CSMD3: variants seen among roughly 807,000 people sequenced by gnomAD.
CSMD3 encodes the protein CUB and Sushi multiple domains 3, also known as CUB and sushi domain-containing protein 3.
Under a neutral mutation model 435.2 loss-of-function variants are expected in CSMD3, and 177 were observed. The ratio of observed to expected loss-of-function variants is 0.41; its 90% CI spans 0.36 to 0.46. CSMD3 has a LOEUF of 0.46. CSMD3 is among the 20% of genes least tolerant of loss of function. The pLI is 0.34. For missense variants in CSMD3, 4,265 were observed against 4,504.6 expected (o/e 0.95, Z 1.52); for synonymous variants, 1,656 against 1,520.5 (o/e 1.09, Z -2.07).
At chr8:112,735,336 C>T (rs2077164010) in intron 13 of CSMD3, among the ~76,000 whole-genome samples, 1 of 151,886 alleles carries the variant, frequency 6.6e-6, no homozygotes, top group East Asian at 1.9e-4. Context: ...TACTTCATAC[C>T]TCAAAACCAC....
At chr8:112,370,731 T>G (rs77977944) in intron 38 of CSMD3, among the ~76,000 whole-genome samples, 3 of 58,672 alleles carry the variant, frequency 5.1e-5, no homozygotes, top group Admixed American at 4.3e-4. Flanking sequence ...TCTCCATCTA[T>G]TTTTTTCTAT....
At chr8:113,014,457 A>G (rs1261322113) in intron 6 of CSMD3, among the ~76,000 whole-genome samples, 2 of 152,008 alleles carry the variant, frequency 1.3e-5, no homozygotes, top group East Asian at 3.9e-4. Context: ...TGCACACACA[A>G]TGGAAGAGGG....
At chr8:112,984,994 T>TGATAGATA (rs71309797) in intron 6 of CSMD3, among the ~76,000 whole-genome samples, 30,542 of 148,240 alleles carry the variant, frequency 0.21, 3,355 homozygotes, top group Middle Eastern at 0.31. Context: ...TGATAGATTA[T>TGATAGATA]GATAGATAGA....
At chr8:113,236,034 A>G (rs1404802630) in intron 3 of CSMD3, among the ~76,000 whole-genome samples, 1 of 152,168 alleles carries the variant, frequency 6.6e-6, no homozygotes, top group Non-Finnish European at 1.5e-5. Context: ...TTTGGGGGCT[A>G]GAGACTTCCC....
intron 22 of CSMD3, among the ~76,000 whole-genome samples, chr8:112,604,080 G>A (rs1288538633): frequency 2.0e-5 from 3 of 151,840 alleles, no homozygotes; most frequent in African/African-American, 7.3e-5. Context: ...AACTAACATT[G>A]TTTAACATTT....
At chr8:113,327,672 GCATTCCC>G (rs1397459069) in intron 1 of CSMD3, among the ~76,000 whole-genome samples, 1 of 151,704 alleles carries the variant, frequency 6.6e-6, no homozygotes, top group Non-Finnish European at 1.5e-5. Flanking sequence ...AACCTATCTT[GCATTCCC>G]CTGGAAAACT....
chr8:112,859,303 G>A, intron 10 of CSMD3, 37 bp from the exon 11 acceptor site: 2 of 1,574,136 alleles, frequency 1.3e-6, no homozygotes, highest in Non-Finnish European at 1.7e-6. Flanking sequence ...ATGAACATAT[G>A]TCACATGTAA....
intron 11 of CSMD3, among the ~76,000 whole-genome samples, chr8:112,851,375 T>C (rs1437631246): frequency 6.6e-6 from 1 of 152,058 alleles, no homozygotes; most frequent in African/African-American, 2.4e-5. Flanking sequence ...CAGTTTCACG[T>C]TTTTTCTCAT....
rs181310147 is a variant in CSMD3 at position 112,983,711 on chromosome 8, G to T, written c.1031-7563C>A. 7.9e-4 allele frequency among the ~76,000 whole-genome samples: 120 copies of T among 151,736 alleles called. 2 individuals carry two copies. In the East Asian group the frequency reaches 0.022, roughly 28 times the overall value. On this transcript the variant is annotated intron_variant, in intron 6 of 70. Coordinates refer to ENST00000297405, the MANE Select transcript of CSMD3 (RefSeq NM_198123.2). ...AGACCATTTAGTGATTTTTATTGAGGCATTTATCATAAGTTGATATCTGAT... is the reference window on the plus strand; with the variant it reads ...AGACCATTTAGTGATTTTTATTGAGTCATTTATCATAAGTTGATATCTGAT...
intron 1 of CSMD3, among the ~76,000 whole-genome samples, chr8:113,324,217 A>C (rs2093967980): frequency 6.6e-6 from 1 of 152,194 alleles, no homozygotes; most frequent in Non-Finnish European, 1.5e-5. Context: ...AATTTGCATA[A>C]GTTACGTGGA....
chr8:113,213,021 C>G (rs756914959), intron 3 of CSMD3, among the ~76,000 whole-genome samples: 1 of 151,562 alleles, frequency 6.6e-6, no homozygotes, highest in East Asian at 1.9e-4. Context: ...CAGCTGTTGA[C>G]TATAACAATT....
chr8:112,590,873 T>C (rs1384025673), intron 22 of CSMD3, among the ~76,000 whole-genome samples: 1 of 152,104 alleles, frequency 6.6e-6, no homozygotes, highest in African/African-American at 2.4e-5. Flanking sequence ...GAGTGAGTTT[T>C]AAGTTCTTGA....
intron 22 of CSMD3, among the ~76,000 whole-genome samples, chr8:112,591,060 T>G (rs1216958795): frequency 4.6e-5 from 7 of 152,064 alleles, no homozygotes; most frequent in African/African-American, 1.4e-4. Context: ...AATTTAGCAG[T>G]GTTAGGAAAA....
intron 58 of CSMD3, among the ~76,000 whole-genome samples, chr8:112,284,234 C>T (rs1170468530): frequency 6.6e-6 from 1 of 151,780 alleles, no homozygotes; most frequent in Non-Finnish European, 1.5e-5. Context: ...TTGCATTTCT[C>T]TATTGATTAA....
In CSMD3 at chr8:112,748,401, G is replaced by A. The variant is rs185311366; in HGVS notation, c.1972+51761C>T. On this transcript the variant is annotated intron_variant, in intron 13 of 70. Coordinates refer to ENST00000297405, the MANE Select transcript of CSMD3 (RefSeq NM_198123.2). The stretch of plus-strand genomic sequence containing the variant: ...TGAAAGTTTGTTACATAGATAAACA[G>A]GTGTCACAGGGGTTTGTTGTACATA... Among the ~76,000 whole-genome samples the A allele has an allele frequency of 3.3e-3, 503 of 152,222 alleles. 4 individuals are homozygous for A. The highest frequency in any genetic ancestry group is 0.011 in the African/African-American group (438 of 41,548).
chr8:112,672,835 C>T (rs2075688868), intron 16 of CSMD3, among the ~76,000 whole-genome samples: 1 of 151,996 alleles, frequency 6.6e-6, no homozygotes, highest in South Asian at 2.1e-4. Context: ...AGGATACATT[C>T]AAAGAACCCA....
chr8:112,838,972 GAA>G (rs1189369053), intron 11 of CSMD3, among the ~76,000 whole-genome samples: 1 of 151,680 alleles, frequency 6.6e-6, no homozygotes, highest in Non-Finnish European at 1.5e-5. Flanking sequence ...TCATTTTAGA[GAA>G]AATAATAAAT....
At chr8:112,849,683 T>C (rs1041617447) in intron 11 of CSMD3, among the ~76,000 whole-genome samples, 3 of 151,862 alleles carry the variant, frequency 2.0e-5, no homozygotes, top group African/African-American at 7.3e-5. Flanking sequence ...CCATTTATAC[T>C]AGATCAGGAG....
intron 5 of CSMD3, among the ~76,000 whole-genome samples, chr8:113,028,152 A>T (rs886592685): frequency 1.3e-5 from 2 of 152,106 alleles, no homozygotes; most frequent in African/African-American, 4.8e-5. Context: ...AATTCTCATA[A>T]CATGTCAAAA....
Sources: gnomAD v4.1 joint callset for allele counts (sites outside exome capture counted in the v4.1 genomes callset) on GRCh38, gnomAD v4.1.1 for gene constraint, MANE v1.5 for transcripts, NCBI Gene and HGNC (gene_info 2026-07-23, HGNC 2026-07-21) for gene names.